The following ARFGAP3 variants were observed in gnomAD, a reference collection of about 807,000 sequenced individuals.
The protein encoded by ARFGAP3 is ADP-ribosylation factor GTPase-activating protein 3.
Under a neutral mutation model 75.0 loss-of-function variants are expected in ARFGAP3, and 72 were observed. That is an observed-to-expected ratio of 0.96 (90% CI 0.79 to 1.17). The LOEUF is 1.17. Among genes scored for constraint, ARFGAP3 ranks in the 50% most tolerant of loss-of-function variants. The pLI, the probability that ARFGAP3 is intolerant of heterozygous loss-of-function variation, is 0.00. For synonymous variants in ARFGAP3, 221 were observed against 217.9 expected (o/e 1.01, Z -0.13); for missense variants, 620 against 626.6 (o/e 0.99, Z 0.11).
At chr22:42,834,438 T>A (rs1418921214) in intron 4 of ARFGAP3, 113 bp from the exon 5 acceptor site, 2 of 1,499,568 alleles carry the variant, frequency 1.3e-6, no homozygotes, top group African/African-American at 2.8e-5. Context: ...GTGCTTTCCA[T>A]TCTTATAAAA....
At chr22:42,814,366 T>C (rs1228647613) in intron 11 of ARFGAP3, among the ~76,000 whole-genome samples, 1 of 152,218 alleles carries the variant, frequency 6.6e-6, no homozygotes, top group Non-Finnish European at 1.5e-5. Flanking sequence ...GTGGTCACCA[T>C]GCCAAGGAGG....
At chr22:42,816,847 A>C (rs1925599023) in intron 11 of ARFGAP3, among the ~76,000 whole-genome samples, 1 of 152,218 alleles carries the variant, frequency 6.6e-6, no homozygotes, top group African/African-American at 2.4e-5. Context: ...ACATACCTTC[A>C]GGATTTTGCA....
At chr22:42,856,984 G>T in intron 1 of ARFGAP3, 130 bp downstream of exon 1, 2 of 920,466 alleles carry the variant, frequency 2.2e-6, no homozygotes, top group Non-Finnish European at 1.4e-6. Flanking sequence ...GGCTGCCGCG[G>T]CCCCACAGTG....
At chr22:42,851,487 A>G (rs1927274608) in intron 1 of ARFGAP3, among the ~76,000 whole-genome samples, 1 of 152,222 alleles carries the variant, frequency 6.6e-6, no homozygotes, top group Non-Finnish European at 1.5e-5. Context: ...TATTCACCTG[A>G]GCTTGGCACC....
At chr22:42,817,026 T>C (rs9611918) in intron 11 of ARFGAP3, 116 bp downstream of exon 11, 22,912 of 797,928 alleles carry the variant, frequency 0.029, 442 homozygotes, top group African/African-American at 0.074. Flanking sequence ...GCCAGAGCTT[T>C]TAAAAACAGT....
At position 42,796,964 on chromosome 22, in the gene ARFGAP3, T is replaced by C. The variant is rs1334772146; in HGVS notation, c.*624A>G. 6.6e-6 allele frequency: 1 copy of C among 152,308 alleles called. No individual in the cohort carries two copies. Among genetic ancestry groups the C allele is most frequent in the African/African-American group, 2.4e-5 (1 of 41,464 alleles). 9.4% of individuals were successfully genotyped at this position (152,308 alleles called of 1,614,324 possible). On this transcript the variant is annotated 3_prime_UTR_variant, in exon 16 of 16. Coordinates refer to ENST00000263245, the MANE Select transcript of ARFGAP3 (RefSeq NM_014570.5). Reference sequence around the variant, plus strand: ...CTTTCACAAGATAACATTAATTCCCTTGGCAGGGCAGAAGCTTAAGTTTGT... The same window carrying C: ...CTTTCACAAGATAACATTAATTCCCCTGGCAGGGCAGAAGCTTAAGTTTGT...
At chr22:42,819,355 A>G (rs1925713916) in intron 9 of ARFGAP3, among the ~76,000 whole-genome samples, 1 of 152,212 alleles carries the variant, frequency 6.6e-6, no homozygotes, top group South Asian at 2.1e-4. Flanking sequence ...GAGAAGATGC[A>G]TGGGGATGAA....
intron 9 of ARFGAP3, among the ~76,000 whole-genome samples, chr22:42,820,067 C>G (rs1007388041): frequency 6.6e-6 from 1 of 152,118 alleles, no homozygotes; most frequent in Non-Finnish European, 1.5e-5. Context: ...AAGTAACAAC[C>G]AGACTTCACT....
At chr22:42,840,383 C>A (rs1458826720) in intron 3 of ARFGAP3, among the ~76,000 whole-genome samples, 4 of 152,070 alleles carry the variant, frequency 2.6e-5, no homozygotes, top group South Asian at 2.1e-4. Flanking sequence ...TCTCATAGGG[C>A]CTCCCAAACT....
At chr22:42,817,661 C>A in intron 10 of ARFGAP3, 68 bp downstream of exon 10, 1 of 1,310,022 alleles carries the variant, frequency 7.6e-7, no homozygotes, top group Non-Finnish European at 1.1e-6. Context: ...TAACACAGTC[C>A]AAGAAAAATC....
At chr22:42,851,769 G>A (rs1927286293) in intron 1 of ARFGAP3, among the ~76,000 whole-genome samples, 1 of 152,222 alleles carries the variant, frequency 6.6e-6, no homozygotes. Context: ...TTATGGTGAT[G>A]AGCAAGAAAT....
chr22:42,822,956 C>T (rs915371867), intron 8 of ARFGAP3, among the ~76,000 whole-genome samples: 2 of 151,918 alleles, frequency 1.3e-5, no homozygotes, highest in East Asian at 1.9e-4. Context: ...ACTACAGGCA[C>T]GGGCCACCAA....
chr22:42,831,636 C>A lies in ARFGAP3; in HGVS notation c.478G>T (p.Val160Leu), dbSNP rs930665095. The A allele has an allele frequency of 1.2e-6, 2 of 1,614,002 alleles. No individual in the cohort carries two copies. Among genetic ancestry groups the A allele is most frequent in the Non-Finnish European group, 1.7e-6 (2 of 1,179,974 alleles). ...GCTGATGCCCACGCTGTGTCACTCA[C>A]CTGAAACAAGGCGAGAAAAGTCATT... Reference protein sequence around the residue: ...DFFASHVSPEVSDTAWASAIA... With the variant: ...DFFASHVSPELSDTAWASAIA... Residue 160 changes from valine (V) to leucine (L), a missense_variant and splice_region_variant, in exon 6 of 16, where the codon GTG (valine) becomes TTG (leucine). Coordinates refer to ENST00000263245, the MANE Select transcript of ARFGAP3 (RefSeq NM_014570.5).
intron 5 of ARFGAP3, among the ~76,000 whole-genome samples, chr22:42,831,902 C>T (rs1345764029): frequency 6.6e-6 from 1 of 152,124 alleles, no homozygotes; most frequent in Non-Finnish European, 1.5e-5. Flanking sequence ...TCCACCTCAG[C>T]CTCCTGAGTA....
At chr22:42,822,986 T>A (rs1321829275) in intron 8 of ARFGAP3, among the ~76,000 whole-genome samples, 1 of 152,050 alleles carries the variant, frequency 6.6e-6, no homozygotes, top group East Asian at 1.9e-4. Context: ...CTTTTTGTAT[T>A]TTTTGAAGAG....
chr22:42,849,468 A>ATGGCTTT (rs146489864), intron 1 of ARFGAP3, among the ~76,000 whole-genome samples: 53,527 of 147,302 alleles, frequency 0.36, 10,602 homozygotes, highest in Non-Finnish European at 0.45. Context: ...GCTAATCTTT[A>ATGGCTTT]TGGCTTTTTT....
chr22:42,798,649 G>A (rs1262700447), intron 15 of ARFGAP3, among the ~76,000 whole-genome samples: 1 of 152,204 alleles, frequency 6.6e-6, no homozygotes, highest in East Asian at 1.9e-4. Flanking sequence ...AGATAGATAT[G>A]TATATCTTTT....
Position 42,796,824 on chromosome 22 carries a change from T to G in ARFGAP3, c.*764A>C, listed in dbSNP as rs1924624763. On this transcript the variant is annotated 3_prime_UTR_variant, in exon 16 of 16. Coordinates refer to ENST00000263245, the MANE Select transcript of ARFGAP3 (RefSeq NM_014570.5). ...AACTATTTTCTGTAGCTGTATCTTC[T>G]TACCTCATTCCACTTTAACTCTGTA... 1 of 152,232 alleles carries G rather than the reference T, an allele frequency of 6.6e-6. No homozygotes were observed. Among genetic ancestry groups the G allele is most frequent in the African/African-American group, 2.4e-5 (1 of 41,454 alleles). 9.4% of individuals were successfully genotyped at this position (152,232 alleles called of 1,614,324 possible).
At chr22:42,847,311 T>A in intron 2 of ARFGAP3, 1 of 499,650 alleles carries the variant, frequency 2.0e-6, no homozygotes, top group Non-Finnish European at 3.6e-6. Context: ...GGACTAGAGT[T>A]ATACATCATC....
Sources: allele counts gnomAD v4.1 joint callset (sites outside exome capture counted in the v4.1 genomes callset), GRCh38; gene constraint gnomAD v4.1.1; transcripts MANE v1.5; gene names NCBI Gene and HGNC (gene_info 2026-07-23, HGNC 2026-07-21).